Variants in PRKAR1A observed in about 807,000 individuals in gnomAD.
PRKAR1A encodes protein kinase cAMP-dependent type I regulatory subunit alpha, also known as cAMP-dependent protein kinase type I-alpha regulatory subunit.
PRKAR1A carries 3 observed loss-of-function variants against 52.0 expected under a neutral mutation model. The ratio of observed to expected loss-of-function variants is 0.06; its 90% confidence interval spans 0.03 to 0.15. The LOEUF (loss-of-function observed/expected upper bound fraction) is 0.15, where lower values mean the gene tolerates loss of function less well. PRKAR1A is among the 10% of genes least tolerant of loss of function. The probability of loss-of-function intolerance (pLI) is 1.00; values close to 1 mark genes in which losing one functional copy is unlikely to be tolerated. For missense variants in PRKAR1A, 240 were observed against 477.4 expected (o/e 0.50, Z 4.63); for synonymous variants, 188 against 168.4 (o/e 1.12, Z -0.90).
At chr17:68,426,115 G>A in the PRKAR1A span, 76 of 1,612,564 alleles carry the variant, frequency 4.7e-5, no homozygotes, top group Middle Eastern at 2.1e-4. Context: ...CACTGGTCCC[G>A]TCGCAAACTC....
chr17:68,535,412 G>A (rs2086072245), downstream of PRKAR1A: 1 of 453,980 alleles, frequency 2.2e-6, no homozygotes, highest in Non-Finnish European at 4.4e-6. Context: ...GGGTTTTGAG[G>A]TAGAGCTGTA....
At chr17:68,496,138 G>A in the PRKAR1A span, among the ~76,000 whole-genome samples, 1 of 137,414 alleles carries the variant, frequency 7.3e-6, no homozygotes, top group Non-Finnish European at 1.6e-5. Flanking sequence ...GCCTCCCGGG[G>A]TCAAGCAATT....
the PRKAR1A span, among the ~76,000 whole-genome samples, chr17:68,462,941 G>T: frequency 8.9e-4 from 135 of 152,262 alleles, no homozygotes; most frequent in African/African-American, 2.6e-3. Context: ...ATTCAAAAAC[G>T]TCCTTTGCTC....
In PRKAR1A at chr17:68,533,110, A is replaced by G. The variant is rs2086021199; in HGVS notation, c.*2661A>G. 2 of 1,064,702 alleles carry G rather than the reference A, an allele frequency of 1.9e-6. No homozygotes were observed. The highest frequency in any genetic ancestry group is 2.3e-6 in the Non-Finnish European group (2 of 878,816). 66.0% of individuals were successfully genotyped at this position (1,064,702 alleles called of 1,614,324 possible). On this transcript the variant is annotated 3_prime_UTR_variant, in exon 11 of 11. Transcript: ENST00000589228. Reference sequence around the variant, plus strand: ...GGGGAAACATCATTTCTAGATTAGCATACTCTTTGGTTTAAATTTAATATA... The same window carrying G: ...GGGGAAACATCATTTCTAGATTAGCGTACTCTTTGGTTTAAATTTAATATA...
intron 11 of PRKAR1A, chr17:68,541,754 T>G (rs749788949): frequency 4.2e-6 from 2 of 481,320 alleles, no homozygotes; most frequent in Non-Finnish European, 7.4e-6. Flanking sequence ...CTTCCATTTC[T>G]GTATCCCATA....
At chr17:68,542,606 G>T (rs2086353588) in intron 11 of PRKAR1A, 4 of 976,706 alleles carry the variant, frequency 4.1e-6, no homozygotes, top group Non-Finnish European at 6.6e-6. Context: ...GCTAGCAGCA[G>T]GGTGTCAGGC....
chr17:68,502,806 A>G, the PRKAR1A span, among the ~76,000 whole-genome samples: 1 of 151,978 alleles, frequency 6.6e-6, no homozygotes, highest in African/African-American at 2.4e-5. Context: ...TTCTGAGCTA[A>G]AGTTGAGTAA....
chr17:68,517,319 A>G (rs1006189633), intron 2 of PRKAR1A, among the ~76,000 whole-genome samples: 2 of 152,150 alleles, frequency 1.3e-5, no homozygotes, highest in African/African-American at 4.8e-5. Context: ...TTAGGTGTTA[A>G]TTTGTATGTT....
rs2085878339 is a variant in PRKAR1A at position 68,528,927 on chromosome 17, T to C, written c.827T>C (p.Phe276Ser). 6.2e-7 allele frequency: 1 copy of C among 1,614,026 alleles called. No individual in the cohort carries two copies. Among genetic ancestry groups the C allele is most frequent in the Non-Finnish European group, 8.5e-7 (1 of 1,179,914 alleles). Reference protein sequence around the residue: ...TVADALEPVQFEDGQKIVVQG... With the variant: ...TVADALEPVQSEDGQKIVVQG... The stretch of plus-strand genomic sequence containing the variant: ...GCTGATGCATTGGAACCAGTGCAGT[T>C]TGAAGATGGGCAGAAGATTGTGGTG... Residue 276 changes from phenylalanine (F) to serine (S), a missense_variant, in exon 9 of 11, where the codon TTT (phenylalanine) becomes TCT (serine). Physicochemically the swap from Phe to Ser is radical, Grantham distance 155. Around this residue, in one of 4 missense-constraint regions of PRKAR1A, gnomAD observed 107 missense variants for 290.9 expected, o/e 0.37. Transcript: ENST00000589228.
rs745885582 is a variant in PRKAR1A, at chr17:68,528,995, A to G, written c.891+4A>G. 1.2e-6 allele frequency: 2 copies of G among 1,613,644 alleles called. No individual in the cohort carries two copies. The highest frequency in any genetic ancestry group is 1.7e-6 in the Non-Finnish European group (2 of 1,179,714). On this transcript the variant is annotated splice_donor_region_variant and intron_variant, in intron 9 of 10. Coordinates refer to ENST00000589228, the MANE Select transcript of PRKAR1A (RefSeq NM_002734.5). ...TGAGTTCTTCATTATTTTAGAGGTA[A>G]AGAACTCAGAATTTAATACTTGAAT... is the stretch of plus-strand genomic sequence containing the variant.
chr17:68,518,523 CT>C (rs1057261931), intron 2 of PRKAR1A, among the ~76,000 whole-genome samples: 4 of 152,222 alleles, frequency 2.6e-5, no homozygotes, highest in African/African-American at 9.6e-5. Flanking sequence ...AGAGCTGTAC[CT>C]TTTAGCCAAG....
chr17:68,489,268 ATATATATATATATATATATATGGAAAG>A, the PRKAR1A span, among the ~76,000 whole-genome samples: 1,610 of 13,746 alleles, frequency 0.12, 332 homozygotes, highest in African/African-American at 0.13. Flanking sequence ...TATGGAAAGT[ATATATATATATATATATATATGGAAAG>A]TATATATATA....
the PRKAR1A span, among the ~76,000 whole-genome samples, chr17:68,418,711 T>G: frequency 2.0e-5 from 3 of 152,300 alleles, no homozygotes; most frequent in Non-Finnish European, 4.4e-5. Context: ...GGAACCATCC[T>G]AATCTCAGTT....
chr17:68,540,009 G>A (rs1032517943), intron 11 of PRKAR1A: 4 of 1,553,064 alleles, frequency 2.6e-6, no homozygotes, highest in Non-Finnish European at 3.6e-6. Flanking sequence ...GCAGGCCAGG[G>A]GGACAGGTGC....
chr17:68,531,617 A>G lies in PRKAR1A; in HGVS notation c.*1168A>G. On this transcript the variant is annotated 3_prime_UTR_variant, in exon 11 of 11. Transcript: ENST00000589228. The stretch of plus-strand genomic sequence containing the variant: ...TTCTGGTGGGTTGATGGTAGGGTAT[A>G]ATGTGTCTGTGTTGCTTCAAATTGG... 9.4e-7 allele frequency: 1 copy of G among 1,066,286 alleles called. No individual in the cohort carries two copies. Among genetic ancestry groups the G allele is most frequent in the Middle Eastern group, 4.2e-4 (1 of 2,404 alleles). 66.1% of individuals were successfully genotyped at this position (1,066,286 alleles called of 1,614,324 possible). A position where few individuals can be genotyped will look rare whatever the true frequency, so the allele number is the denominator to read the frequency against.
At chr17:68,503,189 C>T in the PRKAR1A span, among the ~76,000 whole-genome samples, 3 of 152,156 alleles carry the variant, frequency 2.0e-5, no homozygotes, top group Non-Finnish European at 1.5e-5. Flanking sequence ...TAACAGGATG[C>T]CTAAAATCCA....
the PRKAR1A span, among the ~76,000 whole-genome samples, chr17:68,472,879 A>C: frequency 1.3e-5 from 2 of 152,184 alleles, no homozygotes; most frequent in South Asian, 4.1e-4. Flanking sequence ...CGGGAGGCGG[A>C]GGTTGCAGTG....
At chr17:68,496,818 CTTTTT>C in the PRKAR1A span, among the ~76,000 whole-genome samples, 120 of 91,218 alleles carry the variant, frequency 1.3e-3, no homozygotes, top group Middle Eastern at 0.012. Context: ...TTAGTTTTTA[CTTTTT>C]TTTTTTTTTT....
chr17:68,433,411 A>C, the PRKAR1A span: 12 of 1,445,506 alleles, frequency 8.3e-6, no homozygotes, highest in Non-Finnish European at 1.2e-5. Flanking sequence ...CCAGTAGAAG[A>C]GCCTAGGCCT....
Sources: gnomAD v4.1 joint callset for allele counts (sites outside exome capture counted in the v4.1 genomes callset) on GRCh38, gnomAD v4.1.1 for gene constraint, gnomAD v4.1.1 regional missense constraint, MANE v1.5 for transcripts, NCBI Gene and HGNC (gene_info 2026-07-23, HGNC 2026-07-21) for gene names.